Variants in SOD1 observed in about 807,000 individuals in gnomAD.
SOD1 encodes superoxide dismutase [Cu-Zn].
In SOD1, 8 loss-of-function variants were observed where a neutral mutation model predicts 15.9. That is an observed-to-expected ratio of 0.50 (90% CI 0.30 to 0.91). The LOEUF (loss-of-function observed/expected upper bound fraction) is 0.91, where lower values mean the gene tolerates loss of function less well. Ranked by LOEUF, SOD1 falls within the 40% of genes least tolerant of loss-of-function variation. The probability of loss-of-function intolerance (pLI) is 0.07; values close to 1 mark genes in which losing one functional copy is unlikely to be tolerated. For synonymous variants in SOD1, 86 were observed against 71.2 expected, an observed-to-expected ratio of 1.21 and a Z score of -1.04; for missense variants, 137 against 194.5, an observed-to-expected ratio of 0.70 and a Z score of 1.76.
intron 3 of SOD1, chr21:31,666,779 G>T: frequency 3.9e-6 from 2 of 517,338 alleles, no homozygotes; most frequent in South Asian, 2.1e-5. Flanking sequence ...TGCCAAAGGG[G>T]AACTAATACA....
intron 2 of SOD1, among the ~76,000 whole-genome samples, chr21:31,664,743 T>C (rs889277278): frequency 2.0e-5 from 3 of 152,042 alleles, no homozygotes; most frequent in South Asian, 2.1e-4. Flanking sequence ...CTCAGCCCCC[T>C]GAGTAGCTGG....
chr21:31,666,747 T>C, intron 3 of SOD1: 1 of 575,412 alleles, frequency 1.7e-6, no homozygotes, highest in South Asian at 2.0e-5. Flanking sequence ...GTAGCATTTA[T>C]TGAATATAGA....
Position 31,668,566 on chromosome 21 carries a change from G to A in SOD1, c.453G>A (p.Gly151=). The A allele has an allele frequency of 6.2e-7, 1 of 1,613,306 alleles. No individual in the cohort carries two copies. Among genetic ancestry groups the A allele is most frequent in the African/African-American group, 1.3e-5 (1 of 75,012 alleles). Residue 151 remains glycine (G), a synonymous_variant, in exon 5 of 5, where the codon GGG becomes GGA. Coordinates refer to ENST00000270142, the MANE Select transcript of SOD1 (RefSeq NM_000454.5). ...GTCGTTTGGCTTGTGGTGTAATTGGGATCGCCCAATAAACATTCCCTTGGA... is the reference window on the plus strand; with the variant it reads ...GTCGTTTGGCTTGTGGTGTAATTGGAATCGCCCAATAAACATTCCCTTGGA... ...AGSRLACGVI[G]IAQ
In SOD1 at chr21:31,663,801, A is replaced by G. The variant is rs1217375069; in HGVS notation, c.84A>G (p.Gly28=). The G allele has an allele frequency of 6.2e-7, 1 of 1,611,880 alleles. No individual in the cohort carries two copies. The highest frequency in any genetic ancestry group is 2.2e-5 in the East Asian group (1 of 44,860). The part of the protein sequence containing the change: ...IINFEQKESN[G]PVKVWGSIKG... Reference sequence around the variant, plus strand: ...CACTTTTCTTAAAGGAAAGTAATGGACCAGTGAAGGTGTGGGGAAGCATTA... The same window carrying G: ...CACTTTTCTTAAAGGAAAGTAATGGGCCAGTGAAGGTGTGGGGAAGCATTA... The change falls in exon 2 of 5, where the codon GGA becomes GGG. Residue 28 remains glycine, a synonymous_variant. Coordinates refer to ENST00000270142, the MANE Select transcript of SOD1 (RefSeq NM_000454.5).
At chr21:31,663,931 TTAGA>T (rs2049570863) in intron 2 of SOD1, 45 bp downstream of exon 2, 2 of 1,425,258 alleles carry the variant, frequency 1.4e-6, no homozygotes, top group Middle Eastern at 1.8e-4. Context: ...TTCACCCTAG[TTAGA>T]TAAACAGTAG....
At chr21:31,665,604 G>T (rs2049586244) in intron 2 of SOD1, among the ~76,000 whole-genome samples, 1 of 152,188 alleles carries the variant, frequency 6.6e-6, no homozygotes, top group Non-Finnish European at 1.5e-5. Flanking sequence ...GTGCTGTCGA[G>T]GTTGTGCTCT....
At chr21:31,661,187 CAGTT>C (rs1802909810) in intron 1 of SOD1, among the ~76,000 whole-genome samples, 1 of 152,178 alleles carries the variant, frequency 6.6e-6, no homozygotes, top group South Asian at 2.1e-4. Context: ...AGGACAGGAA[CAGTT>C]AGTCTGTGTA....
Position 31,668,705 on chromosome 21 carries a change from G to C in SOD1, c.*127G>C. 1 of 754,342 alleles carries C rather than the reference G, an allele frequency of 1.3e-6. No homozygotes were observed. Among genetic ancestry groups the C allele is most frequent in the Non-Finnish European group, 2.3e-6 (1 of 427,868 alleles). 46.7% of individuals were successfully genotyped at this position (754,342 alleles called of 1,614,324 possible). On this transcript the variant is annotated 3_prime_UTR_variant, in exon 5 of 5. Transcript: ENST00000270142. ...GTAATTGTGTGACTTTTTCAGAGTT[G>C]CTTTAAAGTACCTGTAGTGAGAAAC... is the stretch of plus-strand genomic sequence containing the variant.
At chr21:31,665,891 A>AT (rs2049588240) in intron 2 of SOD1, among the ~76,000 whole-genome samples, 1 of 151,322 alleles carries the variant, frequency 6.6e-6, no homozygotes, top group African/African-American at 2.4e-5. Flanking sequence ...CTGGTCCCTT[A>AT]TTTTTACAGT....
intron 1 of SOD1, 80 bp from the exon 2 acceptor site, chr21:31,663,710 T>C: frequency 3.5e-6 from 4 of 1,140,344 alleles, no homozygotes; most frequent in Non-Finnish European, 5.3e-6. Flanking sequence ...GGCTGCTTTT[T>C]ACTTCACTGT....
In SOD1 at chr21:31,659,695, G is replaced by T; in HGVS notation, c.-75G>T. 6.7e-7 allele frequency: 1 copy of T among 1,493,770 alleles called. No individual in the cohort carries two copies. Among genetic ancestry groups the T allele is most frequent in the Non-Finnish European group, 9.3e-7 (1 of 1,072,474 alleles). 92.5% of individuals were successfully genotyped at this position (1,493,770 alleles called of 1,614,324 possible). ...TCGCGGAGACGGGGTGCTGGTTTGC[G>T]TCGTAGTCTCCTGCAGCGTCTGGGG... is the stretch of plus-strand genomic sequence containing the variant. On this transcript the variant is annotated 5_prime_UTR_variant, in exon 1 of 5. Coordinates refer to ENST00000270142, the MANE Select transcript of SOD1 (RefSeq NM_000454.5).
intron 2 of SOD1, chr21:31,664,195 ACTG>A (rs1218441668): frequency 2.8e-6 from 1 of 360,484 alleles, no homozygotes; most frequent in East Asian, 6.8e-5. Flanking sequence ...CTGGTCTTGA[ACTG>A]CTGGGCTCAA....
chr21:31,664,737 G>C (rs1297368095), intron 2 of SOD1, among the ~76,000 whole-genome samples: 2 of 151,996 alleles, frequency 1.3e-5, no homozygotes, highest in Non-Finnish European at 1.5e-5. Context: ...TCCTGCCTCA[G>C]CCCCCTGAGT....
chr21:31,663,981 T>G lies in SOD1; in HGVS notation c.169+95T>G, dbSNP rs1009076673. ...AAACGTTAAAACCCCTCAACTTGTT[T>G]TTGTTTTTGAGAAAGGGTCTTGCTC... On this transcript the variant is annotated intron_variant, in intron 2 of 4. Coordinates refer to ENST00000270142, the MANE Select transcript of SOD1 (RefSeq NM_000454.5). 2.0e-5 allele frequency: 19 copies of G among 957,438 alleles called. No individual in the cohort carries two copies. In the East Asian group the frequency reaches 2.5e-4, roughly 13 times the overall value. The allele number at this position is 957,438 out of a possible 1,614,324, so 59.3% of individuals were successfully genotyped here. A position where few individuals can be genotyped will look rare whatever the true frequency, so the allele number is the denominator to read the frequency against.
intron 1 of SOD1, among the ~76,000 whole-genome samples, chr21:31,663,138 TAA>T (rs1773130297): frequency 6.6e-6 from 1 of 150,448 alleles, no homozygotes; most frequent in Non-Finnish European, 1.5e-5. Flanking sequence ...TTTTTTTTTT[TAA>T]AGTCAAGTGA....
rs1344979342 is a variant in SOD1, at chr21:31,663,771, CT to C, written c.73-16del. ...TTCTTTGTTCAGAAACTCTCTCCAA[CT>C]TTGCACTTTTCTTAAAGGAAAGTAA... On this transcript the variant is annotated intron_variant, in intron 1 of 4. Transcript: ENST00000270142. The C allele has an allele frequency of 1.3e-6, 2 of 1,572,838 alleles. No homozygotes were observed. Among genetic ancestry groups the C allele is most frequent in the Admixed American group, 3.3e-5 (2 of 59,906 alleles).
chr21:31,661,603 C>G (rs1228212467), intron 1 of SOD1: 2 of 152,462 alleles, frequency 1.3e-5, no homozygotes, highest in Non-Finnish European at 2.9e-5. Flanking sequence ...ACGTCGTGAT[C>G]CACCCGCCTC....
At chr21:31,660,469 G>A (rs556158357) in intron 1 of SOD1, 1 of 152,420 alleles carries the variant, frequency 6.6e-6, no homozygotes, top group African/African-American at 2.4e-5. Flanking sequence ...TTGCAGGGAA[G>A]TTTGCTGGCC....
chr21:31,659,937 G>T, intron 1 of SOD1, 96 bp downstream of exon 1: 1 of 1,265,630 alleles, frequency 7.9e-7, no homozygotes, highest in South Asian at 1.2e-5. Flanking sequence ...CCAGGCCTCG[G>T]GGCCGCCCTG....
Sources: allele counts gnomAD v4.1 joint callset (sites outside exome capture counted in the v4.1 genomes callset), GRCh38; gene constraint gnomAD v4.1.1; transcripts MANE v1.5; gene names NCBI Gene and HGNC (gene_info 2026-07-23, HGNC 2026-07-21).